Variants in ZMYND8 observed in about 807,000 individuals in gnomAD.
The protein encoded by ZMYND8 is MYND-type zinc finger-containing chromatin reader ZMYND8.
ZMYND8 carries 37 observed loss-of-function variants against 140.8 expected under a neutral mutation model. That is an observed-to-expected ratio of 0.26 (90% confidence interval 0.20 to 0.35). The LOEUF (loss-of-function observed/expected upper bound fraction) is 0.35. Ranked by LOEUF, ZMYND8 falls within the 10% of genes least tolerant of loss-of-function variation. The pLI, the probability that ZMYND8 is intolerant of heterozygous loss-of-function variation, is 1.00. For missense variants in ZMYND8, 1,068 were observed against 1,570.0 expected, an observed-to-expected ratio of 0.68 and a Z score of 5.40; for synonymous variants, 592 against 597.1, an observed-to-expected ratio of 0.99 and a Z score of 0.12.
At chr20:47,233,273 A>C (rs1402818246) in intron 16 of ZMYND8, among the ~76,000 whole-genome samples, 2 of 147,008 alleles carry the variant, frequency 1.4e-5, no homozygotes, top group Non-Finnish European at 1.5e-5. Flanking sequence ...GCAATGGTGC[A>C]ATCACAGCTC....
rs373180222 is a variant in ZMYND8, at chr20:47,239,018, G to A, written c.2405C>T (p.Ser802Phe). 3.7e-5 allele frequency: 59 copies of A among 1,600,156 alleles called. No homozygotes were observed. The highest frequency in any genetic ancestry group is 4.4e-5 in the Non-Finnish European group (52 of 1,170,348). Residue 802 changes from serine to phenylalanine, a missense_variant, in exon 15 of 23, where the codon TCC (serine) becomes TTC (phenylalanine). Around this residue, in one of 10 missense-constraint regions of ZMYND8, gnomAD observed 383 missense variants for 431.2 expected, o/e 0.89. Coordinates refer to ENST00000471951, the MANE Select transcript of ZMYND8 (RefSeq NM_001281775.3). ...AAGATATTST[S>F]STVTVTAPAP... is the part of the protein sequence containing the mutation. Reference sequence around the variant, plus strand: ...CGGGGCCGTGACGGTGACCGTGGAGGACGTGCTGGTGGTGGCTGTGGCGCC... The same window carrying A: ...CGGGGCCGTGACGGTGACCGTGGAGAACGTGCTGGTGGTGGCTGTGGCGCC...
At chr20:47,269,615 A>C (rs1039591153) in intron 11 of ZMYND8, among the ~76,000 whole-genome samples, 1 of 152,198 alleles carries the variant, frequency 6.6e-6, no homozygotes, top group Admixed American at 6.5e-5. Context: ...TATTATCTAC[A>C]TTTACAAAAT....
intron 11 of ZMYND8, among the ~76,000 whole-genome samples, chr20:47,269,043 T>C (rs6122570): frequency 2.6e-5 from 4 of 151,364 alleles, no homozygotes; most frequent in Non-Finnish European, 2.9e-5. Context: ...CTACTAAAAA[T>C]AAAAAACCAG....
chr20:47,229,273 G>GC (rs2038151700), intron 17 of ZMYND8, among the ~76,000 whole-genome samples: 1 of 151,906 alleles, frequency 6.6e-6, no homozygotes, highest in Non-Finnish European at 1.5e-5. Flanking sequence ...CCAAAGCGCT[G>GC]CGATTACAGC....
chr20:47,263,176 G>A (rs1266453739), intron 11 of ZMYND8, among the ~76,000 whole-genome samples: 1 of 152,186 alleles, frequency 6.6e-6, no homozygotes. Context: ...GCGTCCTAAA[G>A]ATCCTTCAAA....
At chr20:47,291,610 A>G (rs924781246) in intron 6 of ZMYND8, among the ~76,000 whole-genome samples, 186 bp downstream of exon 6, 1 of 152,262 alleles carries the variant, frequency 6.6e-6, no homozygotes, top group Non-Finnish European at 1.5e-5. Context: ...ATCTTGGAAG[A>G]ATGTTACAAA....
intron 1 of ZMYND8, chr20:47,352,538 A>C (rs1306110848): frequency 1.0e-6 from 1 of 985,360 alleles, no homozygotes; most frequent in East Asian, 1.1e-4. Context: ...GGGTTTTGCA[A>C]AACCCGCTTT....
chr20:47,217,874 C>T (rs2036350245), intron 21 of ZMYND8, among the ~76,000 whole-genome samples: 1 of 151,082 alleles, frequency 6.6e-6, no homozygotes, highest in African/African-American at 2.4e-5. Context: ...CCCTGCTCGC[C>T]CCCCTCTTCC....
At position 47,268,221 on chromosome 20, in the gene ZMYND8, C is replaced by T. The variant is rs1195452773; in HGVS notation, c.1481-5793G>A. 2.6e-5 allele frequency among the ~76,000 whole-genome samples: 4 copies of T among 151,018 alleles called. No individual in the cohort carries two copies. The East Asian group carries it at 5.9e-4, about 22-fold the overall frequency. ...TCGACTGGTCCAACACTTCGGGAGG[C>T]GGAGGCAGATGCATCACTTGAGGTC... On this transcript the variant is annotated intron_variant, in intron 11 of 22. Transcript: ENST00000471951.
chr20:47,210,915 T>A lies in ZMYND8; in HGVS notation c.3569-18A>T, dbSNP rs534857983. On this transcript the variant is annotated intron_variant, in intron 22 of 22. Transcript: ENST00000471951. ...GGAATGGTCTGAGGGGGAAAACCAATGTGTTTAGCGTGCCTGCCCACCTGC... is the reference window on the plus strand; with the variant it reads ...GGAATGGTCTGAGGGGGAAAACCAAAGTGTTTAGCGTGCCTGCCCACCTGC... The A allele has an allele frequency of 6.2e-7, 1 of 1,612,162 alleles. No homozygotes were observed. Among genetic ancestry groups the A allele is most frequent in the Non-Finnish European group, 8.5e-7 (1 of 1,178,406 alleles).
intron 10 of ZMYND8, among the ~76,000 whole-genome samples, chr20:47,278,331 G>GA (rs1486463836): frequency 6.6e-6 from 1 of 152,200 alleles, no homozygotes; most frequent in Non-Finnish European, 1.5e-5. Flanking sequence ...AAGCCCGGTA[G>GA]AAAGCAGTGG....
intron 2 of ZMYND8, among the ~76,000 whole-genome samples, chr20:47,330,668 G>C (rs566365998): frequency 6.6e-6 from 1 of 152,272 alleles, no homozygotes; most frequent in African/African-American, 2.4e-5. Flanking sequence ...GGAAAAGGAA[G>C]ACAGGCCACC....
At chr20:47,309,549 G>A (rs1287790602) in intron 3 of ZMYND8, among the ~76,000 whole-genome samples, 4 of 151,676 alleles carry the variant, frequency 2.6e-5, no homozygotes, top group Admixed American at 6.6e-5. Flanking sequence ...CCTCGTGATC[G>A]ACCTGCCTCG....
intron 3 of ZMYND8, among the ~76,000 whole-genome samples, chr20:47,307,172 C>T (rs1352813071): frequency 6.6e-6 from 1 of 152,036 alleles, no homozygotes; most frequent in African/African-American, 2.4e-5. Context: ...GGAACTTGGC[C>T]AGGCACGGTG....
chr20:47,347,641 TC>T (rs1033358037), intron 2 of ZMYND8, among the ~76,000 whole-genome samples: 4 of 152,122 alleles, frequency 2.6e-5, no homozygotes, highest in African/African-American at 9.7e-5. Context: ...AAATTCACTG[TC>T]AGGACCCCTA....
At chr20:47,227,067 G>T in intron 18 of ZMYND8, 136 bp downstream of exon 18, 1 of 919,256 alleles carries the variant, frequency 1.1e-6, no homozygotes, top group Non-Finnish European at 1.7e-6. Flanking sequence ...AGACTCTCAG[G>T]ATTCTGTGGT....
intron 12 of ZMYND8, 60 bp downstream of exon 12, chr20:47,262,228 G>C: frequency 6.2e-7 from 1 of 1,610,922 alleles, no homozygotes; most frequent in South Asian, 1.1e-5. Context: ...AAGAGGATAC[G>C]TCATTTGCAA....
chr20:47,325,790 T>A (rs1310647128), intron 2 of ZMYND8, among the ~76,000 whole-genome samples: 6 of 151,690 alleles, frequency 4.0e-5, no homozygotes, highest in Admixed American at 3.9e-4. Flanking sequence ...TCCATTTTGT[T>A]TTGTTTTTTT....
At chr20:47,230,524 C>T (rs2038330837) in intron 16 of ZMYND8, among the ~76,000 whole-genome samples, 2 of 152,066 alleles carry the variant, frequency 1.3e-5, no homozygotes, top group South Asian at 2.1e-4. Flanking sequence ...GAACTCCCGA[C>T]CTCAAGTAAT....
Sources: allele counts gnomAD v4.1 joint callset (sites outside exome capture counted in the v4.1 genomes callset), GRCh38; gene constraint gnomAD v4.1.1; regional missense constraint gnomAD v4.1.1; transcripts MANE v1.5; gene names NCBI Gene and HGNC (gene_info 2026-07-23, HGNC 2026-07-21).